Variants in CLCN5 observed in about 807,000 individuals in gnomAD.
The protein encoded by CLCN5 is Cl-/H+ antiporter 5, also known as H(+)/Cl(-) exchange transporter 5.
Under a neutral mutation model 54.0 loss-of-function variants are expected in CLCN5, and 17 were observed. The observed-to-expected ratio is 0.31, with a 90% CI of 0.22 to 0.47. The LOEUF (loss-of-function observed/expected upper bound fraction) is 0.47. Among genes scored for constraint, CLCN5 ranks in the 20% least tolerant of loss-of-function variants. CLCN5 has a pLI of 1.00. For missense variants in CLCN5, 448 were observed against 646.7 expected (o/e 0.69, Z 3.33); for synonymous variants, 222 against 233.0 (o/e 0.95, Z 0.43).
rs1557187246 is a variant in CLCN5, at chrX:50,042,309, T to G, written c.17-7T>G. ...GTTATAAGCCTCCTATTTTTCTTTC[T>G]GCACAGGTGCCATGGATAACAGAGG... On this transcript the variant is annotated splice_polypyrimidine_tract_variant and splice_region_variant and intron_variant, in intron 3 of 14. Coordinates refer to ENST00000376091, the MANE Select transcript of CLCN5 (RefSeq NM_001127898.4). The G allele has an allele frequency of 1.8e-6, 2 of 1,110,787 alleles. No homozygotes were observed. The highest frequency in any genetic ancestry group is 2.4e-6 in the Non-Finnish European group (2 of 830,647). 91.5% of individuals were successfully genotyped at this position (1,110,787 alleles called of 1,213,427 possible).
chrX:50,066,238 A>G (rs940057073), intron 4 of CLCN5, among the ~76,000 whole-genome samples: 1 of 106,033 alleles, frequency 9.4e-6, no homozygotes, highest in Non-Finnish European at 2.0e-5. Flanking sequence ...TTGGGCCACA[A>G]ATGGCTTTTG....
intron 3 of CLCN5, among the ~76,000 whole-genome samples, chrX:49,983,687 A>T (rs1557177968): frequency 9.3e-6 from 1 of 108,005 alleles, no homozygotes; most frequent in African/African-American, 3.3e-5. Flanking sequence ...AAAATATATT[A>T]ATATACATAA....
chrX:49,958,162 G>A (rs992706831), intron 3 of CLCN5, among the ~76,000 whole-genome samples: 1 of 110,952 alleles, frequency 9.0e-6, no homozygotes, highest in Admixed American at 9.6e-5. Flanking sequence ...ACACTAATCT[G>A]TTCTCCATCT....
chrX:50,092,245 G>A lies in CLCN5; in HGVS notation c.*26G>A, dbSNP rs1489843102. 2.9e-6 allele frequency: 3 copies of A among 1,036,015 alleles called. No individual in the cohort carries two copies. Among genetic ancestry groups the A allele is most frequent in the Non-Finnish European group, 4.1e-6 (3 of 735,595 alleles). 85.4% of individuals were successfully genotyped at this position (1,036,015 alleles called of 1,213,427 possible). A position where few individuals can be genotyped will look rare whatever the true frequency, so the allele number is the denominator to read the frequency against. On this transcript the variant is annotated 3_prime_UTR_variant, in exon 15 of 15. Coordinates refer to ENST00000376091, the MANE Select transcript of CLCN5 (RefSeq NM_001127898.4). ...AATCATAGAGTTCTGGATGTAAAGC[G>A]GGAAGGACATTACAGACCATGGATA...
chrX:49,954,477 A>G (rs910319551), intron 3 of CLCN5, among the ~76,000 whole-genome samples: 10 of 111,540 alleles, frequency 9.0e-5, no homozygotes, highest in Non-Finnish European at 1.9e-4. Flanking sequence ...TACTCTAGGT[A>G]CTTGGAAGCT....
chrX:49,980,138 C>T (rs1448561022), intron 3 of CLCN5, among the ~76,000 whole-genome samples: 3 of 110,735 alleles, frequency 2.7e-5, no homozygotes, highest in African/African-American at 9.8e-5. Context: ...ATATATGTCT[C>T]CCTTAATTTT....
chrX:50,098,904 A>C lies in CLCN5; in HGVS notation c.*6685A>C, dbSNP rs981665766. ...GATTTCTATTCCCTATGCTTCTACT[A>C]ACTAGCCTCGAGATCTTAACCGCTC... On this transcript the variant is annotated 3_prime_UTR_variant, in exon 15 of 15. Coordinates refer to ENST00000376091, the MANE Select transcript of CLCN5 (RefSeq NM_001127898.4). The C allele has an allele frequency of 7.1e-5, 8 of 112,163 alleles. No homozygotes were observed. The Admixed American group carries it at 7.6e-4, about 11-fold the overall frequency. The allele number at this position is 112,163 out of a possible 1,213,427, so 9.2% of individuals were successfully genotyped here.
chrX:49,944,060 T>G (rs782418198), intron 3 of CLCN5, among the ~76,000 whole-genome samples: 1 of 112,173 alleles, frequency 8.9e-6, no homozygotes, highest in African/African-American at 3.2e-5. Context: ...TCCATTTGTT[T>G]GTATCCTCTT....
intron 3 of CLCN5, among the ~76,000 whole-genome samples, chrX:49,977,986 G>A (rs1472970413): frequency 6.2e-5 from 7 of 112,137 alleles, no homozygotes; most frequent in East Asian, 5.6e-4. Flanking sequence ...AGCTGCCTGC[G>A]TTCAGATTTT....
At chrX:50,019,272 A>C (rs1487427812) in intron 3 of CLCN5, among the ~76,000 whole-genome samples, 2 of 110,230 alleles carry the variant, frequency 1.8e-5, no homozygotes, top group African/African-American at 6.6e-5. Context: ...TGACCATATG[A>C]TCGATAGTGA....
intron 4 of CLCN5, among the ~76,000 whole-genome samples, chrX:50,046,402 C>A (rs1932394259): frequency 8.9e-6 from 1 of 112,084 alleles, no homozygotes. Context: ...GTGTGCCTTG[C>A]TACTCCCTAA....
chrX:50,000,883 G>C (rs1410783888), intron 3 of CLCN5, among the ~76,000 whole-genome samples: 1 of 111,741 alleles, frequency 8.9e-6, no homozygotes, highest in Non-Finnish European at 1.9e-5. Context: ...CACCTAAGCT[G>C]CTTGGTCCCA....
intron 4 of CLCN5, among the ~76,000 whole-genome samples, chrX:50,063,464 A>G: frequency 9.2e-6 from 1 of 108,271 alleles, no homozygotes; most frequent in Admixed American, 9.6e-5. Flanking sequence ...ACCAGGAAGA[A>G]GTTGAGTCTC....
At chrX:50,082,867 T>C (rs1301509764) in intron 9 of CLCN5, among the ~76,000 whole-genome samples, 6 of 111,665 alleles carry the variant, frequency 5.4e-5, no homozygotes, top group African/African-American at 2.0e-4. Context: ...TATACTTGAA[T>C]TAGTTTCTCT....
intron 3 of CLCN5, among the ~76,000 whole-genome samples, chrX:49,964,363 C>G (rs1167729546): frequency 8.9e-6 from 1 of 111,820 alleles, no homozygotes; most frequent in Non-Finnish European, 1.9e-5. Flanking sequence ...AACTGTGTGC[C>G]AGGCTTTATT....
At chrX:50,089,165 T>C (rs1400896518) in intron 12 of CLCN5, among the ~76,000 whole-genome samples, 1 of 112,563 alleles carries the variant, frequency 8.9e-6, no homozygotes, top group Non-Finnish European at 1.9e-5. Context: ...TGTATCATAG[T>C]ATAAGAGCAA....
intron 3 of CLCN5, among the ~76,000 whole-genome samples, chrX:49,939,231 G>A (rs1375070593): frequency 1.8e-4 from 20 of 111,010 alleles, no homozygotes; most frequent in Admixed American, 8.6e-4. Context: ...TCAGTGTGGC[G>A]ATTCCTCAGG....
At chrX:50,086,256 G>T in intron 10 of CLCN5, 72 bp from the exon 11 acceptor site, 1 of 1,071,028 alleles carries the variant, frequency 9.3e-7, no homozygotes. Flanking sequence ...TCTCATGCCT[G>T]CAGCACAACA....
intron 7 of CLCN5, among the ~76,000 whole-genome samples, chrX:50,079,782 G>A (rs1174195756): frequency 3.6e-5 from 4 of 110,723 alleles, no homozygotes; most frequent in African/African-American, 1.3e-4. Context: ...GTGGTTACCT[G>A]GGGCATGGAG....
Sources: allele counts gnomAD v4.1 joint callset (sites outside exome capture counted in the v4.1 genomes callset), GRCh38; gene constraint gnomAD v4.1.1; transcripts MANE v1.5; gene names NCBI Gene and HGNC (gene_info 2026-07-23, HGNC 2026-07-21).